The following PPP2R3C variants were observed in gnomAD, a reference collection of about 807,000 sequenced individuals.
PPP2R3C encodes the protein protein phosphatase 2 regulatory subunit B''gamma.
A neutral mutation model predicts 63.7 loss-of-function variants in PPP2R3C; 47 were observed. The observed-to-expected ratio is 0.74, with a 90% CI of 0.58 to 0.94. The LOEUF (loss-of-function observed/expected upper bound fraction) is 0.94, where lower values mean the gene tolerates loss of function less well. Among genes scored for constraint, PPP2R3C ranks in the 40% least tolerant of loss-of-function variants. The pLI, the probability that PPP2R3C is intolerant of heterozygous loss-of-function variation, is 0.00. For synonymous variants in PPP2R3C, 180 were observed against 177.4 expected, an observed-to-expected ratio of 1.01 and a Z score of -0.12; for missense variants, 421 against 518.4, an observed-to-expected ratio of 0.81 and a Z score of 1.82.
At chr14:35,118,498 G>A (rs1460764845) in intron 1 of PPP2R3C, among the ~76,000 whole-genome samples, 1 of 152,128 alleles carries the variant, frequency 6.6e-6, no homozygotes, top group Admixed American at 6.6e-5. Flanking sequence ...TAAAGTGTAA[G>A]TTCTACAAAG....
At chr14:35,118,012 C>G (rs1485089278) in intron 1 of PPP2R3C, among the ~76,000 whole-genome samples, 2 of 151,976 alleles carry the variant, frequency 1.3e-5, no homozygotes, top group African/African-American at 4.8e-5. Context: ...TAATTTTTAA[C>G]CTTAGACCAA....
At chr14:35,118,842 G>A (rs550804805) in intron 1 of PPP2R3C, among the ~76,000 whole-genome samples, 1 of 151,840 alleles carries the variant, frequency 6.6e-6, no homozygotes, top group South Asian at 2.1e-4. Context: ...TTAGTAGAGA[G>A]AGCGTTTCAC....
Position 35,095,160 on chromosome 14 carries a change from T to C in PPP2R3C, c.863A>G (p.Asp288Gly). 6.2e-7 allele frequency: 1 copy of C among 1,613,826 alleles called. No homozygotes were observed. Among genetic ancestry groups the C allele is most frequent in the Non-Finnish European group, 8.5e-7 (1 of 1,179,722 alleles). ...VYGQYLNLDK[D>G]HNGMLSKEEL... ...TTCTTTACTGAGCATGCCATTGTGA[T>C]CTTTATCAAGATTCAAGTACTGGCC... Residue 288 changes from aspartate to glycine, a missense_variant, in exon 10 of 13, where the codon GAT (aspartate) becomes GGT (glycine). Around this residue, in one of 3 missense-constraint regions of PPP2R3C, gnomAD observed 231 missense variants for 264.8 expected, o/e 0.87. Coordinates refer to ENST00000261475, the MANE Select transcript of PPP2R3C (RefSeq NM_017917.4).
chr14:35,122,171 AC>A, upstream of PPP2R3C: 1 of 571,056 alleles, frequency 1.8e-6, no homozygotes, highest in South Asian at 2.1e-5. Context: ...GGGGGAAAAA[AC>A]TATGAAAGAG....
At chr14:35,101,170 T>G (rs2046177964) in intron 6 of PPP2R3C, 1 of 152,114 alleles carries the variant, frequency 6.6e-6, no homozygotes, top group Non-Finnish European at 1.5e-5. Context: ...AGAGACAAGG[T>G]TTCACCGTGT....
At chr14:35,091,715 T>C (rs1182827894) in intron 10 of PPP2R3C, among the ~76,000 whole-genome samples, 2 of 151,776 alleles carry the variant, frequency 1.3e-5, no homozygotes, top group African/African-American at 4.8e-5. Context: ...AGGACATAGT[T>C]CTTTTTTATT....
chr14:35,090,597 CTT>C (rs1410630913), intron 11 of PPP2R3C, among the ~76,000 whole-genome samples: 3 of 151,700 alleles, frequency 2.0e-5, no homozygotes, highest in African/African-American at 7.3e-5. Context: ...TTAATTTGCT[CTT>C]CTTTTTCTAA....
chr14:35,121,972 C>T lies in PPP2R3C; in HGVS notation c.-13G>A, dbSNP rs759377269. Reference sequence around the variant, plus strand: ...CTTTCCAGTCCATGGCCGACTTCCGCGCAGCAGCTTCTGCATTTGCTGTTT... The same window carrying T: ...CTTTCCAGTCCATGGCCGACTTCCGTGCAGCAGCTTCTGCATTTGCTGTTT... On this transcript the variant is annotated 5_prime_UTR_variant, in exon 1 of 13. Transcript: ENST00000261475. 3 of 1,614,162 alleles carry T rather than the reference C, an allele frequency of 1.9e-6. No individual in the cohort carries two copies. The highest frequency in any genetic ancestry group is 2.2e-5 in the East Asian group (1 of 44,886).
At position 35,095,165 on chromosome 14, in the gene PPP2R3C, A is replaced by G. The variant is rs751784254; in HGVS notation, c.858T>C (p.Asp286=). The change falls in exon 10 of 13, where the codon GAT becomes GAC. Residue 286 remains aspartate, a synonymous_variant. Coordinates refer to ENST00000261475, the MANE Select transcript of PPP2R3C (RefSeq NM_017917.4). ...TACTGAGCATGCCATTGTGATCTTT[A>G]TCAAGATTCAAGTACTGGCCTTGGG... ...LRVYGQYLNL[D]KDHNGMLSKE... 1.9e-6 allele frequency: 3 copies of G among 1,613,620 alleles called. No homozygotes were observed. Among genetic ancestry groups the G allele is most frequent in the Non-Finnish European group, 2.5e-6 (3 of 1,179,686 alleles).
chr14:35,112,264 T>G (rs2046585856), intron 2 of PPP2R3C, among the ~76,000 whole-genome samples: 1 of 152,156 alleles, frequency 6.6e-6, no homozygotes, highest in Non-Finnish European at 1.5e-5. Context: ...TTGCTTTATT[T>G]CTTCTTTTTT....
At chr14:35,107,446 C>A in intron 5 of PPP2R3C, 72 bp from the exon 6 acceptor site, 2 of 1,260,676 alleles carry the variant, frequency 1.6e-6, no homozygotes, top group South Asian at 1.2e-5. Flanking sequence ...AGATAAAGAG[C>A]CAGATTTGAG....
At chr14:35,107,988 A>T in intron 5 of PPP2R3C, 151 bp downstream of exon 5, 1 of 1,205,786 alleles carries the variant, frequency 8.3e-7, no homozygotes, top group East Asian at 3.0e-5. Context: ...ATGCTAACCC[A>T]AGTTTATGTA....
intron 2 of PPP2R3C, among the ~76,000 whole-genome samples, chr14:35,113,450 A>G (rs1458159159): frequency 6.6e-6 from 1 of 152,144 alleles, no homozygotes; most frequent in African/African-American, 2.4e-5. Context: ...AAAGAAGGCA[A>G]AGGTTTGGTC....
intron 9 of PPP2R3C, among the ~76,000 whole-genome samples, chr14:35,095,679 A>AAC (rs1355720745): frequency 5.5e-5 from 8 of 146,380 alleles, no homozygotes; most frequent in South Asian, 2.2e-4. Flanking sequence ...TCTACTAAAA[A>AAC]AAAAAACAAA....
At chr14:35,119,764 G>A (rs2046809864) in intron 1 of PPP2R3C, among the ~76,000 whole-genome samples, 1 of 150,062 alleles carries the variant, frequency 6.7e-6, no homozygotes, top group African/African-American at 2.5e-5. Context: ...GGAGGAGGCT[G>A]GAAGGAAGTC....
At chr14:35,120,924 C>G (rs930187029) in intron 1 of PPP2R3C, among the ~76,000 whole-genome samples, 1 of 150,900 alleles carries the variant, frequency 6.6e-6, no homozygotes, top group Non-Finnish European at 1.5e-5. Flanking sequence ...CCAGCCTGGG[C>G]AACACAGGGA....
At chr14:35,090,872 C>T (rs1454841654) in intron 11 of PPP2R3C, among the ~76,000 whole-genome samples, 198 bp downstream of exon 11, 1 of 152,072 alleles carries the variant, frequency 6.6e-6, no homozygotes, top group African/African-American at 2.4e-5. Context: ...CCCACCACCA[C>T]ACCTGGCTAA....
chr14:35,093,455 CCTCA>C lies in PPP2R3C; in HGVS notation c.975+1589_975+1592del, dbSNP rs562160324. On this transcript the variant is annotated intron_variant, in intron 10 of 12. Coordinates refer to ENST00000261475, the MANE Select transcript of PPP2R3C (RefSeq NM_017917.4). ...AATCATTATATTAATAATATAAGCT[CCTCA>C]CTGTCTATTGTTTACAGCTGTGGGA... is the stretch of plus-strand genomic sequence containing the variant. 2.6e-5 allele frequency among the ~76,000 whole-genome samples: 4 copies of C among 152,132 alleles called. No individual in the cohort carries two copies. In the South Asian group the frequency reaches 8.3e-4, roughly 32 times the overall value.
intron 12 of PPP2R3C, 104 bp downstream of exon 12, chr14:35,087,847 G>T (rs1392967329): frequency 1.2e-6 from 1 of 868,752 alleles, no homozygotes; most frequent in Non-Finnish European, 1.9e-6. Context: ...GCAAACACTT[G>T]ATTCAAATAG....
Sources: gnomAD v4.1 joint callset for allele counts (sites outside exome capture counted in the v4.1 genomes callset) on GRCh38, gnomAD v4.1.1 for gene constraint, gnomAD v4.1.1 regional missense constraint, MANE v1.5 for transcripts, NCBI Gene and HGNC (gene_info 2026-07-23, HGNC 2026-07-21) for gene names.